LARGE1: variants seen among roughly 807,000 people sequenced by gnomAD.
The protein encoded by LARGE1 is LARGE xylosyl- and glucuronyltransferase 1.
LARGE1 carries 43 observed loss-of-function variants against 87.6 expected under a neutral mutation model. The ratio of observed to expected loss-of-function variants is 0.49; its 90% CI spans 0.38 to 0.63. LARGE1 has a LOEUF of 0.63. Ranked by LOEUF, LARGE1 falls within the 30% of genes least tolerant of loss-of-function variation. The pLI is 0.00. For synonymous variants in LARGE1, 434 were observed against 394.6 expected (o/e 1.10, Z -1.18); for missense variants, 802 against 1,000.2 (o/e 0.80, Z 2.67).
chr22:33,852,223 T>G (rs2063605453), intron 1 of LARGE1, among the ~76,000 whole-genome samples: 1 of 152,148 alleles, frequency 6.6e-6, no homozygotes, highest in South Asian at 2.1e-4. Flanking sequence ...TGGAGAAGGC[T>G]GATGTGAGCC....
At chr22:33,537,283 G>A (rs986478698) in intron 6 of LARGE1, among the ~76,000 whole-genome samples, 2 of 152,212 alleles carry the variant, frequency 1.3e-5, no homozygotes, top group African/African-American at 4.8e-5. Context: ...GGTTCCCTGC[G>A]GAGGCTCTGG....
intron 7 of LARGE1, among the ~76,000 whole-genome samples, chr22:33,403,374 A>G (rs1461827971): frequency 6.6e-6 from 1 of 152,200 alleles, no homozygotes; most frequent in African/African-American, 2.4e-5. Context: ...TTGTGTTAAC[A>G]TCAATAACTG....
chr22:33,226,394 G>A (rs1025849029), intron 11 of LARGE1, among the ~76,000 whole-genome samples: 2 of 152,150 alleles, frequency 1.3e-5, no homozygotes, highest in Admixed American at 6.5e-5. Flanking sequence ...GATGTGTTTT[G>A]CCAAAGTGCA....
intron 1 of LARGE1, among the ~76,000 whole-genome samples, chr22:33,913,638 G>A (rs1252057254): frequency 6.6e-6 from 1 of 152,056 alleles, no homozygotes; most frequent in African/African-American, 2.4e-5. Context: ...CTGCCTCACA[G>A]GTTCGAGCCA....
rs575567361 is a variant in LARGE1, at chr22:33,534,414, A to T, written c.787+30434T>A. Among the ~76,000 whole-genome samples, 11 of 143,582 alleles carry T rather than the reference A, an allele frequency of 7.7e-5. 1 individual carries two copies. The South Asian group carries it at 2.4e-3, about 31-fold the overall frequency. 94.2% of individuals were successfully genotyped at this position (143,582 alleles called of 152,430 possible). A position where few individuals can be genotyped will look rare whatever the true frequency, so the allele number is the denominator to read the frequency against. On this transcript the variant is annotated intron_variant, in intron 6 of 14. Coordinates refer to ENST00000397394, the MANE Select transcript of LARGE1 (RefSeq NM_133642.5). ...GCAAGACTCTGTCTCAAAAACAAAC[A>T]GACAAAAAAAAAAAGAGGGATGAAG...
Position 33,291,437 on chromosome 22 carries a change from T to G in LARGE1, c.1731-8089A>C, listed in dbSNP as rs193111634. Reference sequence around the variant, plus strand: ...TCTATTCAGCATTCCCTGAAATAACTTCCTCCTCTCTCACTGGTGCGTGCT... The same window carrying G: ...TCTATTCAGCATTCCCTGAAATAACGTCCTCCTCTCTCACTGGTGCGTGCT... On this transcript the variant is annotated intron_variant, in intron 12 of 14. Coordinates refer to ENST00000397394, the MANE Select transcript of LARGE1 (RefSeq NM_133642.5). Among the ~76,000 whole-genome samples the G allele has an allele frequency of 6.4e-4, 98 of 152,222 alleles. 1 individual carries two copies. In the East Asian group the frequency reaches 0.015, roughly 23 times the overall value.
the LARGE1 span, among the ~76,000 whole-genome samples, chr22:33,120,354 TTCTTTTTCTTTC>T: frequency 2.6e-5 from 3 of 115,820 alleles, no homozygotes; most frequent in Middle Eastern, 8.1e-3. Flanking sequence ...TTTCTTTTCT[TTCTTTTTCTTTC>T]TTTCTTTCTT....
At chr22:33,481,038 A>C (rs1013918862) in intron 6 of LARGE1, among the ~76,000 whole-genome samples, 2 of 151,988 alleles carry the variant, frequency 1.3e-5, no homozygotes, top group African/African-American at 4.8e-5. Context: ...AAAGCTCCCT[A>C]TTCTCATCTC....
intron 12 of LARGE1, among the ~76,000 whole-genome samples, chr22:33,283,919 A>G (rs1002079728): frequency 2.8e-4 from 43 of 152,220 alleles, no homozygotes; most frequent in Admixed American, 1.4e-3. Context: ...AGGAAAAGAA[A>G]GAGAAAGAAG....
chr22:33,075,837 A>G, the LARGE1 span, among the ~76,000 whole-genome samples: 2 of 152,136 alleles, frequency 1.3e-5, no homozygotes, highest in Non-Finnish European at 2.9e-5. Flanking sequence ...ACAAATGGAA[A>G]ATTTTCCTTT....
intron 11 of LARGE1, among the ~76,000 whole-genome samples, chr22:33,263,188 C>A (rs563875660): frequency 1.3e-5 from 2 of 152,154 alleles, no homozygotes; most frequent in Non-Finnish European, 2.9e-5. Context: ...CCACTGTGCC[C>A]GGCCGACATC....
intron 11 of LARGE1, among the ~76,000 whole-genome samples, chr22:33,232,465 A>G (rs1470118098): frequency 6.6e-6 from 1 of 152,236 alleles, no homozygotes; most frequent in Non-Finnish European, 1.5e-5. Flanking sequence ...TGTCATGCTC[A>G]TCCGCCAGGA....
At chr22:33,637,566 C>T (rs550840585) in intron 3 of LARGE1, among the ~76,000 whole-genome samples, 6 of 151,006 alleles carry the variant, frequency 4.0e-5, no homozygotes, top group South Asian at 2.1e-4. Flanking sequence ...ATAAGACATC[C>T]GAGGCTAGGT....
At chr22:33,218,699 T>C (rs1925323773) in intron 11 of LARGE1, among the ~76,000 whole-genome samples, 2 of 152,174 alleles carry the variant, frequency 1.3e-5, no homozygotes, top group African/African-American at 2.4e-5. Context: ...TTTATCAACC[T>C]GATGAGGTAG....
intron 1 of LARGE1, among the ~76,000 whole-genome samples, chr22:33,918,064 C>A (rs1275633858): frequency 2.0e-5 from 3 of 152,202 alleles, no homozygotes; most frequent in South Asian, 4.1e-4. Context: ...AACTTTAAAG[C>A]GCAGCTCAGG....
At chr22:33,793,978 G>C (rs5999103) in intron 1 of LARGE1, among the ~76,000 whole-genome samples, 1 of 151,822 alleles carries the variant, frequency 6.6e-6, no homozygotes, top group Non-Finnish European at 1.5e-5. Flanking sequence ...GTTTTCTATA[G>C]AGCCTCTGTC....
chr22:33,668,914 G>C (rs769370246), intron 2 of LARGE1, among the ~76,000 whole-genome samples: 3 of 152,172 alleles, frequency 2.0e-5, no homozygotes, highest in Admixed American at 6.5e-5. Flanking sequence ...ATCCTCCCTC[G>C]CAATAATGGA....
chr22:33,612,163 G>T (rs1268090347), intron 4 of LARGE1, among the ~76,000 whole-genome samples: 2 of 151,924 alleles, frequency 1.3e-5, no homozygotes, highest in Non-Finnish European at 2.9e-5. Context: ...GAGTGCAGTG[G>T]CATGGTCTTG....
intron 8 of LARGE1, 109 bp downstream of exon 8, chr22:33,384,083 G>A (rs1021611780): frequency 8.1e-5 from 68 of 841,054 alleles, no homozygotes; most frequent in Non-Finnish European, 1.3e-4. Context: ...AGCACACAGA[G>A]TCACACAATA....
Sources: gnomAD v4.1 joint callset for allele counts (sites outside exome capture counted in the v4.1 genomes callset) on GRCh38, gnomAD v4.1.1 for gene constraint, MANE v1.5 for transcripts, NCBI Gene and HGNC (gene_info 2026-07-23, HGNC 2026-07-21) for gene names.